The following LGMN variants were observed in gnomAD, a reference collection of about 807,000 sequenced individuals.
The protein encoded by LGMN is legumain, also known as asparaginyl endopeptidase.
In LGMN, 36 loss-of-function variants were observed where a neutral mutation model predicts 56.8. The observed-to-expected ratio is 0.63, with a 90% CI of 0.49 to 0.84. The LOEUF is 0.84. LGMN is among the 40% of genes least tolerant of loss of function. LGMN has a pLI of 0.00. For missense variants in LGMN, 446 were observed against 556.1 expected, an observed-to-expected ratio of 0.80 and a Z score of 1.99; for synonymous variants, 199 against 210.1, an observed-to-expected ratio of 0.95 and a Z score of 0.46.
intron 1 of LGMN, among the ~76,000 whole-genome samples, chr14:92,743,239 C>T (rs1466266940): frequency 9.2e-5 from 14 of 152,018 alleles, no homozygotes; most frequent in Admixed American, 4.6e-4. Flanking sequence ...CAGTGGCTCA[C>T]GCCTGTAATC....
rs898432054 is a variant in LGMN at position 92,707,890 on chromosome 14, G to A, written c.1021-1237C>T. On this transcript the variant is annotated intron_variant, in intron 11 of 13. Coordinates refer to ENST00000334869, the MANE Select transcript of LGMN (RefSeq NM_005606.7). Reference sequence around the variant, plus strand: ...CTCTGAGCCAGGTGCGGTGCCTCACGCCTGTAATCCCAGAACTTTGGGAGG... The same window carrying A: ...CTCTGAGCCAGGTGCGGTGCCTCACACCTGTAATCCCAGAACTTTGGGAGG... Among the ~76,000 whole-genome samples, 19 of 152,248 alleles carry A rather than the reference G, an allele frequency of 1.2e-4. No homozygotes were observed. The East Asian group carries it at 1.4e-3, about 11-fold the overall frequency.
chr14:92,719,308 G>GCCA (rs1159668902), intron 2 of LGMN, among the ~76,000 whole-genome samples: 1 of 26,768 alleles, frequency 3.7e-5, no homozygotes, highest in African/African-American at 1.6e-4. Flanking sequence ...CGCCACCGCC[G>GCCA]CCACCGCCGC....
At chr14:92,723,522 G>A (rs1890589701) in intron 2 of LGMN, among the ~76,000 whole-genome samples, 2 of 152,198 alleles carry the variant, frequency 1.3e-5, no homozygotes, top group African/African-American at 4.8e-5. Flanking sequence ...ACAATGGAAT[G>A]CTATTTGGGA....
intron 1 of LGMN, among the ~76,000 whole-genome samples, chr14:92,746,400 T>C (rs996513041): frequency 2.6e-5 from 4 of 152,194 alleles, no homozygotes; most frequent in Admixed American, 6.5e-5. Flanking sequence ...CTTCAAAAGA[T>C]AGTCATCGGC....
chr14:92,704,787 A>G (rs1889343570), intron 12 of LGMN, 80 bp from the exon 13 acceptor site: 2 of 1,116,512 alleles, frequency 1.8e-6, no homozygotes, highest in African/African-American at 3.1e-5. Context: ...TGCAGAGGGG[A>G]AGCATCTTGA....
chr14:92,715,714 T>C (rs531284586), intron 5 of LGMN: 1 of 153,962 alleles, frequency 6.5e-6, no homozygotes, highest in East Asian at 1.9e-4. Flanking sequence ...TCCTCCAATA[T>C]GAAGGGACTT....
Position 92,706,613 on chromosome 14 carries a change from G to C in LGMN, c.1061C>G (p.Ser354Cys), listed in dbSNP as rs1889444084. Residue 354 changes from serine (S) to cysteine (C), a missense_variant, in exon 12 of 14, where the codon TCC becomes TGC. Ser to Cys is a moderately radical substitution (Grantham distance 112). Coordinates refer to ENST00000334869, the MANE Select transcript of LGMN (RefSeq NM_005606.7). ...LIEKSVRKIV[S>C]LLAASEAEVE... ...CTCAGCCTCGGACGCTGCCAGCAAG[G>C]AGACGATCTTACGCACTGACTTCTC... is the stretch of plus-strand genomic sequence containing the variant. 2.5e-6 allele frequency: 4 copies of C among 1,602,122 alleles called. 1 individual carries two copies. The Middle Eastern group carries it at 5.0e-4, about 200-fold the overall frequency.
chr14:92,714,906 C>T lies in LGMN; in HGVS notation c.405-455G>A, dbSNP rs1889988624. 6.6e-6 allele frequency among the ~76,000 whole-genome samples: 1 copy of T among 152,166 alleles called. No homozygotes were observed. The highest frequency in any genetic ancestry group is 2.4e-5 in the African/African-American group (1 of 41,436). On this transcript the variant is annotated intron_variant, in intron 5 of 13. Coordinates refer to ENST00000334869, the MANE Select transcript of LGMN (RefSeq NM_005606.7). The surrounding 1 kb of genome is among the most constrained non-coding windows in gnomAD (Gnocchi z 5.1). Reference sequence around the variant, plus strand: ...CTACCTGCCTCACCAGGGCTTCCACCAGATGGCGCTGCTTCAAAGTGGCAG... The same window carrying T: ...CTACCTGCCTCACCAGGGCTTCCACTAGATGGCGCTGCTTCAAAGTGGCAG...
intron 1 of LGMN, among the ~76,000 whole-genome samples, chr14:92,744,113 C>G (rs1891707457): frequency 6.6e-6 from 1 of 151,780 alleles, no homozygotes; most frequent in South Asian, 2.1e-4. Flanking sequence ...GAGATCGCGC[C>G]ACTGCACTCC....
chr14:92,715,343 G>A (rs1385046792), intron 5 of LGMN, among the ~76,000 whole-genome samples: 1 of 152,092 alleles, frequency 6.6e-6, no homozygotes, highest in African/African-American at 2.4e-5. Flanking sequence ...AGCCACCAGA[G>A]TAGCTGGGAT....
chr14:92,715,870 A>C (rs549401311), intron 5 of LGMN: 1 of 258,922 alleles, frequency 3.9e-6, no homozygotes, highest in African/African-American at 2.3e-5. Flanking sequence ...TCCCCAGACA[A>C]GGAACGAGGA....
intron 1 of LGMN, among the ~76,000 whole-genome samples, chr14:92,742,259 C>CTAAAAGAAAAT (rs1342830579): frequency 6.7e-6 from 1 of 149,880 alleles, no homozygotes; most frequent in African/African-American, 2.5e-5. Flanking sequence ...ATTGCAGTAG[C>CTAAAAGAAAAT]TAAAAGAAAA....
chr14:92,722,883 A>G (rs1031328262), intron 2 of LGMN, among the ~76,000 whole-genome samples: 1 of 152,208 alleles, frequency 6.6e-6, no homozygotes, highest in African/African-American at 2.4e-5. Context: ...AATTAAAACC[A>G]CACTGAGCTG....
chr14:92,704,821 G>A, intron 12 of LGMN, 114 bp from the exon 13 acceptor site: 2 of 824,756 alleles, frequency 2.4e-6, no homozygotes, highest in Non-Finnish European at 4.3e-6. Flanking sequence ...CCCTATTTTG[G>A]TTCATGGATC....
rs749996718 is a variant in LGMN, at chr14:92,711,661, TG to T, written c.816del (p.Asn272LysfsTer7). The T allele has an allele frequency of 6.2e-7, 1 of 1,614,186 alleles. No individual in the cohort carries two copies. Among genetic ancestry groups the T allele is most frequent in the African/African-American group, 1.3e-5 (1 of 75,070 alleles). ...AGCACGCGAGGCTCCCGACTCACTT[TG>T]TTTCCATACTGCATGACGTGGCTGG... The part of the protein sequence containing the change: ...TNTSHVMQYG[N>X]KTISTMKVMQ... On this transcript the variant is annotated frameshift_variant, in exon 10 of 14. Coordinates refer to ENST00000334869, the MANE Select transcript of LGMN (RefSeq NM_005606.7). LOFTEE classifies it high-confidence loss of function.
chr14:92,736,257 T>C (rs1189721306), intron 1 of LGMN, among the ~76,000 whole-genome samples: 1 of 152,188 alleles, frequency 6.6e-6, no homozygotes, highest in Non-Finnish European at 1.5e-5. Context: ...CGTTAATCTT[T>C]GTAGAACTGC....
intron 1 of LGMN, among the ~76,000 whole-genome samples, chr14:92,734,345 C>T (rs542481165): frequency 5.9e-5 from 9 of 152,244 alleles, no homozygotes; most frequent in East Asian, 5.8e-4. Flanking sequence ...TGAGGCCGGG[C>T]GTGGTGGCTC....
At chr14:92,710,018 C>T in intron 10 of LGMN, 146 bp from the exon 11 acceptor site, 2 of 614,368 alleles carry the variant, frequency 3.3e-6, no homozygotes, top group Non-Finnish European at 5.6e-6. Context: ...CCCTCAGAGG[C>T]TCACATTTAC....
At chr14:92,704,481 G>C in intron 13 of LGMN, 120 bp from the exon 14 acceptor site, 1 of 1,055,758 alleles carries the variant, frequency 9.5e-7, no homozygotes, top group Middle Eastern at 2.1e-4. Flanking sequence ...AGCTGTCACT[G>C]AGAACGTGGC....
Sources: allele counts gnomAD v4.1 joint callset (sites outside exome capture counted in the v4.1 genomes callset), GRCh38; gene constraint gnomAD v4.1.1; non-coding constraint Gnocchi (gnomAD v3.1); transcripts MANE v1.5; gene names NCBI Gene and HGNC (gene_info 2026-07-23, HGNC 2026-07-21).